The following USO1 variants were observed in gnomAD, a reference collection of about 807,000 sequenced individuals.
USO1 encodes USO1 vesicle transport factor, also known as general vesicular transport factor p115.
In USO1, 57 loss-of-function variants were observed where a neutral mutation model predicts 124.5. The observed-to-expected ratio is 0.46, with a 90% CI of 0.37 to 0.57. The LOEUF is 0.57. USO1 is among the 20% of genes least tolerant of loss of function. USO1 has a pLI of 0.00. For synonymous variants in USO1, 369 were observed against 362.8 expected, an observed-to-expected ratio of 1.02 and a Z score of -0.19; for missense variants, 900 against 1,040.6, an observed-to-expected ratio of 0.86 and a Z score of 1.86.
rs188518848 is a variant in USO1 at position 75,804,160 on chromosome 4, G to A, written c.2013G>A (p.Gln671=). 4.3e-4 allele frequency: 687 copies of A among 1,613,324 alleles called. 1 individual carries two copies. The highest frequency in any genetic ancestry group is 2.3e-3 in the Middle Eastern group (14 of 6,062). The change falls in exon 18 of 24, where the codon CAG becomes CAA. Residue 671 remains glutamine (Q), a synonymous_variant. Coordinates refer to ENST00000514213, the MANE Select transcript of USO1 (RefSeq NM_003715.4). ...EQDLQLEELR[Q]QVSTLKCQNE... is the part of the protein sequence containing the mutation. The stretch of plus-strand genomic sequence containing the variant: ...ATCTCCAACTTGAGGAATTAAGGCA[G>A]CAGGTTTCTACATTAAAATGTCAAA...
In USO1 at chr4:75,799,744, G is replaced by C; in HGVS notation, c.1563+12G>C. 6.2e-7 allele frequency: 1 copy of C among 1,612,680 alleles called. No individual in the cohort carries two copies. ...CCAATGTTCCATTTGTATCCTTTAT[G>C]TTTTAGTAACGTACATGTAAGTATT... On this transcript the variant is annotated intron_variant, in intron 14 of 23. Transcript: ENST00000514213.
At chr4:75,793,600 CTATTT>C (rs745609910) in intron 12 of USO1, 85 bp from the exon 13 acceptor site, 102 of 1,460,444 alleles carry the variant, frequency 7.0e-5, no homozygotes, top group Non-Finnish European at 9.2e-5. Context: ...GTATTTCACA[CTATTT>C]TATGTGTACA....
At chr4:75,791,080 C>T (rs1722519017) in intron 12 of USO1, among the ~76,000 whole-genome samples, 1 of 152,190 alleles carries the variant, frequency 6.6e-6, no homozygotes, top group Admixed American at 6.5e-5. Flanking sequence ...GATAATAATA[C>T]TCATCTCTAT....
intron 4 of USO1, among the ~76,000 whole-genome samples, chr4:75,762,694 T>A (rs1021735978): frequency 6.6e-6 from 1 of 152,102 alleles, no homozygotes; most frequent in Non-Finnish European, 1.5e-5. Context: ...TTTGGGAGGC[T>A]GAGGCAGGCA....
intron 17 of USO1, among the ~76,000 whole-genome samples, chr4:75,803,627 C>T (rs371119574): frequency 1.4e-5 from 2 of 142,974 alleles, no homozygotes; most frequent in South Asian, 2.2e-4. Context: ...CCAGCCTGGG[C>T]GATAAGAGCG....
chr4:75,759,235 T>G (rs540665910), intron 4 of USO1, among the ~76,000 whole-genome samples: 1 of 136,382 alleles, frequency 7.3e-6, no homozygotes, highest in Non-Finnish European at 1.6e-5. Context: ...AGAATCACTT[T>G]TATTAAGGAC....
At chr4:75,802,758 T>C (rs1158450066) in intron 17 of USO1, among the ~76,000 whole-genome samples, 2 of 142,434 alleles carry the variant, frequency 1.4e-5, no homozygotes, top group African/African-American at 2.6e-5. Flanking sequence ...TTTTTTTTTT[T>C]TTTGAGACAG....
intron 1 of USO1, among the ~76,000 whole-genome samples, chr4:75,745,798 G>A (rs560114605): frequency 2.9e-4 from 44 of 152,236 alleles, no homozygotes; most frequent in African/African-American, 1.0e-3. Context: ...TACTCAGGAG[G>A]CTGAGGTGAG....
intron 1 of USO1, among the ~76,000 whole-genome samples, chr4:75,726,449 C>G (rs1283088685): frequency 6.6e-6 from 1 of 151,928 alleles, no homozygotes; most frequent in Non-Finnish European, 1.5e-5. Flanking sequence ...CTAAAATTAA[C>G]TGCAGCTAGT....
intron 21 of USO1, 27 bp from the exon 22 acceptor site, chr4:75,810,405 A>T: frequency 6.3e-7 from 1 of 1,584,738 alleles, no homozygotes; most frequent in Non-Finnish European, 8.6e-7. Flanking sequence ...TTTAAGAGAC[A>T]TCTTTTTTTC....
Position 75,804,211 on chromosome 4 carries a change from A to C in USO1, c.2064A>C (p.Thr688=). ...ATGAACAGCTCCAGACGGCAGTCACACAGCAAGTATCACAGATCCAGCAGC... is the reference window on the plus strand; with the variant it reads ...ATGAACAGCTCCAGACGGCAGTCACCCAGCAAGTATCACAGATCCAGCAGC... ...CQNEQLQTAV[T]QQVSQIQQHK... is the part of the protein sequence containing the mutation. The change falls in exon 18 of 24, where the codon ACA becomes ACC. Residue 688 remains threonine, a synonymous_variant. Coordinates refer to ENST00000514213, the MANE Select transcript of USO1 (RefSeq NM_003715.4). 6.2e-7 allele frequency: 1 copy of C among 1,613,754 alleles called. No individual in the cohort carries two copies. The highest frequency in any genetic ancestry group is 8.5e-7 in the Non-Finnish European group (1 of 1,179,780).
intron 13 of USO1, among the ~76,000 whole-genome samples, chr4:75,799,157 T>G (rs1722770914): frequency 6.6e-6 from 1 of 151,922 alleles, no homozygotes; most frequent in Non-Finnish European, 1.5e-5. Context: ...AGGGGATTAT[T>G]TTTTGCATTT....
chr4:75,813,090 G>A lies in USO1; in HGVS notation c.2800-116G>A, dbSNP rs189683766. On this transcript the variant is annotated intron_variant, in intron 23 of 23. Transcript: ENST00000514213. ...ATCGCACCATTGCACTCCAGCCTGGGTAACGAGCAAAACTCCATCTCAGAA... is the reference window on the plus strand; with the variant it reads ...ATCGCACCATTGCACTCCAGCCTGGATAACGAGCAAAACTCCATCTCAGAA... The A allele has an allele frequency of 8.2e-5, 90 of 1,095,214 alleles. No homozygotes were observed. In the Middle Eastern group the frequency reaches 1.6e-3, roughly 20 times the overall value. 67.8% of individuals were successfully genotyped at this position (1,095,214 alleles called of 1,614,324 possible).
chr4:75,748,290 G>T (rs1721191752), intron 1 of USO1, among the ~76,000 whole-genome samples: 1 of 147,326 alleles, frequency 6.8e-6, no homozygotes, highest in Non-Finnish European at 1.5e-5. Flanking sequence ...CCAGGCTCAA[G>T]CAATTCTTGT....
chr4:75,768,756 G>T (rs1254482965), intron 4 of USO1, among the ~76,000 whole-genome samples: 1 of 152,142 alleles, frequency 6.6e-6, no homozygotes. Context: ...TATGATGTTA[G>T]CTGTAAGGTT....
In USO1 at chr4:75,800,474, G is replaced by A; in HGVS notation, c.1682+5G>A. On this transcript the variant is annotated splice_donor_5th_base_variant and intron_variant, in intron 15 of 23. Transcript: ENST00000514213. ...CTCACTTGAGAGCTACATGAAGTAA[G>A]TAAGGGGAAGATGGTTTTCTAATGG... The A allele has an allele frequency of 6.4e-7, 1 of 1,573,370 alleles. No individual in the cohort carries two copies. Among genetic ancestry groups the A allele is most frequent in the Non-Finnish European group, 8.6e-7 (1 of 1,160,480 alleles).
intron 8 of USO1, among the ~76,000 whole-genome samples, chr4:75,775,789 C>G (rs963834560): frequency 2.6e-5 from 4 of 152,070 alleles, no homozygotes; most frequent in Non-Finnish European, 5.9e-5. Flanking sequence ...AAACGAAAAT[C>G]TCTATAATCT....
At chr4:75,794,411 T>C (rs1722622849) in intron 13 of USO1, among the ~76,000 whole-genome samples, 1 of 152,202 alleles carries the variant, frequency 6.6e-6, no homozygotes, top group East Asian at 1.9e-4. Context: ...ATTTACCTAG[T>C]AAGATGGAGG....
At chr4:75,804,548 T>TA (rs531630600) in intron 18 of USO1, among the ~76,000 whole-genome samples, 8 of 151,504 alleles carry the variant, frequency 5.3e-5, no homozygotes, top group African/African-American at 9.7e-5. Context: ...GATGCTTTTT[T>TA]AAAAAAAAAT....
Sources: gnomAD v4.1 joint callset for allele counts (sites outside exome capture counted in the v4.1 genomes callset) on GRCh38, gnomAD v4.1.1 for gene constraint, MANE v1.5 for transcripts, NCBI Gene and HGNC (gene_info 2026-07-23, HGNC 2026-07-21) for gene names.